SPG11: variants seen among roughly 807,000 people sequenced by gnomAD.
SPG11 encodes the protein spatacsin.
SPG11 carries 222 observed loss-of-function variants against 274.0 expected under a neutral mutation model. That is an observed-to-expected ratio of 0.81 (90% CI 0.73 to 0.91). The LOEUF (loss-of-function observed/expected upper bound fraction) is 0.91, where lower values mean the gene tolerates loss of function less well. SPG11 is among the 40% of genes least tolerant of loss of function. SPG11 has a pLI of 0.00. For missense variants in SPG11, 3,114 were observed against 2,872.7 expected, an observed-to-expected ratio of 1.08 and a Z score of -1.92; for synonymous variants, 1,144 against 1,039.7, an observed-to-expected ratio of 1.10 and a Z score of -1.93.
In SPG11 at chr15:44,595,466, C is replaced by A. The variant is rs199685245; in HGVS notation, c.4435-7G>T. 20 of 1,613,588 alleles carry A rather than the reference C, an allele frequency of 1.2e-5. No homozygotes were observed. Among genetic ancestry groups the A allele is most frequent in the Non-Finnish European group, 1.6e-5 (19 of 1,179,738 alleles). Reference sequence around the variant, plus strand: ...AAGAAATGGCACTGGCACCCTGCCACGGGATAAATAAAATAACAACTAGGC... The same window carrying A: ...AAGAAATGGCACTGGCACCCTGCCAAGGGATAAATAAAATAACAACTAGGC... On this transcript the variant is annotated splice_polypyrimidine_tract_variant and splice_region_variant and intron_variant, in intron 25 of 39. Coordinates refer to ENST00000261866, the MANE Select transcript of SPG11 (RefSeq NM_025137.4).
chr15:44,594,106 T>C (rs2082971427), intron 26 of SPG11, among the ~76,000 whole-genome samples: 1 of 151,678 alleles, frequency 6.6e-6, no homozygotes, highest in Admixed American at 6.6e-5. Flanking sequence ...AGGATTATTG[T>C]GAAAACTCAC....
At chr15:44,573,412 C>T in intron 32 of SPG11, 135 bp downstream of exon 32, 1 of 920,536 alleles carries the variant, frequency 1.1e-6, no homozygotes, top group Non-Finnish European at 1.7e-6. Flanking sequence ...TTTATTTAAA[C>T]AAAATACATT....
At position 44,659,188 on chromosome 15, in the gene SPG11, T is replaced by C. The variant is rs765294349; in HGVS notation, c.558A>G (p.Arg186=). The C allele has an allele frequency of 6.2e-7, 1 of 1,614,222 alleles. No homozygotes were observed. The highest frequency in any genetic ancestry group is 1.1e-5 in the South Asian group (1 of 91,088). Residue 186 remains arginine (R), a synonymous_variant, in exon 3 of 40, where the codon AGA becomes AGG. Coordinates refer to ENST00000261866, the MANE Select transcript of SPG11 (RefSeq NM_025137.4). ...IIFPERDAAI[R]VLNCFTLPLP... is the part of the protein sequence containing the mutation. The stretch of plus-strand genomic sequence containing the variant: ...AGGGAAGTGTGAAACAGTTGAGTAC[T>C]CTAATTGCAGCATCTCTTTCAGGAA...
chr15:44,601,978 A>G (rs968546642), intron 20 of SPG11, among the ~76,000 whole-genome samples: 1 of 152,232 alleles, frequency 6.6e-6, no homozygotes, highest in Non-Finnish European at 1.5e-5. Context: ...GTTCTATTAA[A>G]AAATAGAAAT....
At chr15:44,648,426 T>C (rs1182514408) in intron 7 of SPG11, among the ~76,000 whole-genome samples, 2 of 151,518 alleles carry the variant, frequency 1.3e-5, no homozygotes, top group Non-Finnish European at 2.9e-5. Context: ...GGTGGGAGAA[T>C]TGCTTGAACC....
chr15:44,607,040 T>C (rs1262746746), intron 19 of SPG11, among the ~76,000 whole-genome samples: 2 of 152,200 alleles, frequency 1.3e-5, no homozygotes, highest in African/African-American at 2.4e-5. Flanking sequence ...TAAAACAAGG[T>C]AAGACACTTC....
chr15:44,657,101 T>C lies in SPG11; in HGVS notation c.863A>G (p.Tyr288Cys). Residue 288 changes from tyrosine to cysteine, a missense_variant, in exon 4 of 40, where the codon TAT becomes TGT. Coordinates refer to ENST00000261866, the MANE Select transcript of SPG11 (RefSeq NM_025137.4). The part of the protein sequence containing the change: ...NSAVALNLNL[Y>C]FRQHPGHLLC... ...ACTGCAGTCATCTACATACCTGAAA[T>C]ACAAATTTAAGTTAAGAGCAACTGC... 6.2e-7 allele frequency: 1 copy of C among 1,613,788 alleles called. No individual in the cohort carries two copies.
chr15:44,606,778 A>G (rs559816169), intron 19 of SPG11, among the ~76,000 whole-genome samples: 8 of 152,350 alleles, frequency 5.3e-5, no homozygotes, highest in Admixed American at 4.6e-4. Context: ...GTGATCTATT[A>G]AAGAAGGAAT....
intron 12 of SPG11, 144 bp from the exon 13 acceptor site, chr15:44,622,491 A>G: frequency 2.5e-6 from 2 of 801,262 alleles, no homozygotes; most frequent in South Asian, 1.8e-5. Flanking sequence ...TTCAAGAATT[A>G]TATTTTGAAC....
chr15:44,564,585 CCT>C lies in SPG11; in HGVS notation c.7111_7112del (p.Arg2371ValfsTer8). 2 of 1,614,008 alleles carry C rather than the reference CCT, an allele frequency of 1.2e-6. No individual in the cohort carries two copies. Among genetic ancestry groups the C allele is most frequent in the Non-Finnish European group, 1.7e-6 (2 of 1,179,914 alleles). ...CTTCAAATATACTGGACTTTAATAA[CCT>C]TTGCTGCTTAAATTCTTCCAAGTAA... is the stretch of plus-strand genomic sequence containing the variant. ...FNYLEEFKQQ[R>X]LLKSSIFEEI... On this transcript the variant is annotated frameshift_variant, in exon 39 of 40. Coordinates refer to ENST00000261866, the MANE Select transcript of SPG11 (RefSeq NM_025137.4). LOFTEE classifies it high-confidence loss of function.
At chr15:44,651,233 T>C (rs979787178) in intron 6 of SPG11, among the ~76,000 whole-genome samples, 8 of 152,192 alleles carry the variant, frequency 5.3e-5, no homozygotes, top group Non-Finnish European at 1.2e-4. Flanking sequence ...GAAGACTCTT[T>C]GGGTTAAAAA....
intron 7 of SPG11, among the ~76,000 whole-genome samples, chr15:44,640,127 T>C (rs907748490): frequency 1.3e-5 from 2 of 152,154 alleles, no homozygotes; most frequent in Non-Finnish European, 2.9e-5. Context: ...GGAGAATCGC[T>C]TGAACCCAGG....
In SPG11 at chr15:44,584,009, C is replaced by T. The variant is rs1483911645; in HGVS notation, c.5671G>A (p.Val1891Met). 11 of 1,614,116 alleles carry T rather than the reference C, an allele frequency of 6.8e-6. No individual in the cohort carries two copies. Among genetic ancestry groups the T allele is most frequent in the Non-Finnish European group, 9.3e-6 (11 of 1,180,040 alleles). The change falls in exon 30 of 40, where the codon GTG (valine) becomes ATG (methionine). Residue 1891 changes from valine to methionine, a missense_variant. Transcript: ENST00000261866. ...CGGCATACTCTACTTGCTTCATGCA[C>T]ACAGCCATCATCCAGTAGGCGCCCA... ...LIGRLLDDGC[V>M]HEASRVCRYF...
chr15:44,573,230 C>T, intron 32 of SPG11: 1 of 534,814 alleles, frequency 1.9e-6, no homozygotes. Flanking sequence ...CGTGATCTGC[C>T]AGCCTTGGCC....
chr15:44,599,902 TTACATAGGTA>T (rs1297524202), intron 21 of SPG11, among the ~76,000 whole-genome samples: 1 of 152,142 alleles, frequency 6.6e-6, no homozygotes, highest in African/African-American at 2.4e-5. Flanking sequence ...AACATGCAGG[TTACATAGGTA>T]TACATGTGCC....
At chr15:44,603,565 AAACCC>A (rs1291002609) in intron 20 of SPG11, among the ~76,000 whole-genome samples, 1 of 152,256 alleles carries the variant, frequency 6.6e-6, no homozygotes, top group African/African-American at 2.4e-5. Flanking sequence ...AAGTTCCTCT[AAACCC>A]AAGAAAATAT....
At chr15:44,636,934 A>AAAAAAAAAC (rs2084281141) in intron 7 of SPG11, among the ~76,000 whole-genome samples, 2 of 122,408 alleles carry the variant, frequency 1.6e-5, no homozygotes, top group Non-Finnish European at 3.5e-5. Context: ...TCAAAAAAAA[A>AAAAAAAAAC]AAAAAAAAAA....
chr15:44,598,427 G>A, intron 22 of SPG11, 54 bp from the exon 23 acceptor site: 1 of 1,533,948 alleles, frequency 6.5e-7, no homozygotes, highest in South Asian at 1.1e-5. Context: ...CAAAACCTGA[G>A]CATTTCTGTT....
In SPG11 at chr15:44,563,051, G is replaced by C; in HGVS notation, c.*70C>G. On this transcript the variant is annotated 3_prime_UTR_variant, in exon 40 of 40. Coordinates refer to ENST00000261866, the MANE Select transcript of SPG11 (RefSeq NM_025137.4). ...TTCAACTTTAGCAAAGATCTCCAAT[G>C]CATTCTTCTTCTCATCACATCTGTC... 6.8e-7 allele frequency: 1 copy of C among 1,463,920 alleles called. No homozygotes were observed. Among genetic ancestry groups the C allele is most frequent in the East Asian group, 2.3e-5 (1 of 44,024 alleles). The allele number at this position is 1,463,920 out of a possible 1,614,324, so 90.7% of individuals were successfully genotyped here.
Sources: gnomAD v4.1 joint callset for allele counts (sites outside exome capture counted in the v4.1 genomes callset) on GRCh38, gnomAD v4.1.1 for gene constraint, MANE v1.5 for transcripts, NCBI Gene and HGNC (gene_info 2026-07-23, HGNC 2026-07-21) for gene names.